The following ELFN2 variants were observed in gnomAD, a reference collection of about 807,000 sequenced individuals.
ELFN2 encodes extracellular leucine rich repeat and fibronectin type III domain containing 2, also known as protein phosphatase 1 regulatory subunit 29.
Under a neutral mutation model 45.5 loss-of-function variants are expected in ELFN2, and 17 were observed. The ratio of observed to expected loss-of-function variants is 0.37; its 90% CI spans 0.26 to 0.56. The LOEUF (loss-of-function observed/expected upper bound fraction) is 0.56, where lower values mean the gene tolerates loss of function less well. Among genes scored for constraint, ELFN2 ranks in the 20% least tolerant of loss-of-function variants. The probability of loss-of-function intolerance (pLI) is 0.77; values close to 1 mark genes in which losing one functional copy is unlikely to be tolerated. For synonymous variants in ELFN2, 550 were observed against 551.5 expected (o/e 1.00, Z 0.04); for missense variants, 922 against 1,183.2 (o/e 0.78, Z 3.24).
rs1323283744 is a variant in ELFN2, at chr22:37,374,987, G to A, written c.548C>T (p.Ala183Val). The A allele has an allele frequency of 6.2e-7, 1 of 1,613,278 alleles. No individual in the cohort carries two copies. The highest frequency in any genetic ancestry group is 2.2e-5 in the East Asian group (1 of 44,870). The change falls in exon 3 of 3, where the codon GCC (alanine) becomes GTC (valine). Residue 183 changes from alanine to valine, a missense_variant. Ala to Val is a moderately conservative substitution (Grantham distance 64, BLOSUM62 0). Coordinates refer to ENST00000402918, the MANE Select transcript of ELFN2 (RefSeq NM_052906.5). Reference sequence around the variant, plus strand: ...GCACTCACAGTTGAAGGGGTTGCCGGCCAGCTCACACACCATCAGGCTGGC... The same window carrying A: ...GCACTCACAGTTGAAGGGGTTGCCGACCAGCTCACACACCATCAGGCTGGC... ...SLASLMVCEL[A>V]GNPFNCECDL...
chr22:37,391,653 G>C lies in ELFN2; in HGVS notation c.-462-15657C>G, dbSNP rs1014329370. 1.5e-4 allele frequency among the ~76,000 whole-genome samples: 23 copies of C among 152,196 alleles called. 1 individual carries two copies. Among genetic ancestry groups the C allele is most frequent in the Admixed American group, 1.1e-3 (17 of 15,284 alleles). ...GATACAGCAGTCTGACCATCAAAGG[G>C]ACGGTGTCTGGGACTCCCCGAAGGC... On this transcript the variant is annotated intron_variant, in intron 2 of 2. Coordinates refer to ENST00000402918, the MANE Select transcript of ELFN2 (RefSeq NM_052906.5).
rs759051934 is a variant in ELFN2, at chr22:37,373,205, T to C, written c.2330A>G (p.Lys777Arg). 6.2e-7 allele frequency: 1 copy of C among 1,613,786 alleles called. No homozygotes were observed. Among genetic ancestry groups the C allele is most frequent in the South Asian group, 1.1e-5 (1 of 91,084 alleles). ...GTACACCTCCTCCCGGTGGTGCTTC[T>C]TGTAGGGCCGGAAGCGCTCCCAGAT... ...HKIWERFRPY[K>R]KHHREEVYMA... Residue 777 changes from lysine to arginine, a missense_variant, in exon 3 of 3, where the codon AAG becomes AGG. By Grantham distance (26) the Lys-to-Arg change is conservative. Transcript: ENST00000402918.
At chr22:37,389,009 C>T (rs911983844) in intron 2 of ELFN2, among the ~76,000 whole-genome samples, 19 of 152,182 alleles carry the variant, frequency 1.2e-4, no homozygotes, top group Non-Finnish European at 4.4e-5. Context: ...GAGAAGCATG[C>T]GGGGCTTGGG....
intron 2 of ELFN2, among the ~76,000 whole-genome samples, chr22:37,382,146 C>G (rs1330412450): frequency 6.6e-6 from 1 of 152,112 alleles, no homozygotes; most frequent in Non-Finnish European, 1.5e-5. Context: ...CAGTGATGCA[C>G]CCAAGACCAC....
intron 2 of ELFN2, among the ~76,000 whole-genome samples, chr22:37,415,672 A>C (rs1039142914): frequency 2.0e-5 from 3 of 152,230 alleles, no homozygotes; most frequent in Non-Finnish European, 4.4e-5. Flanking sequence ...TTTAAAAGTA[A>C]TGATGGTGGG....
In ELFN2 at chr22:37,374,656, C is replaced by T. The variant is rs761262814; in HGVS notation, c.879G>A (p.Ala293=). ...VEPPASSTTD[A]SAGPAIKLHH... is the part of the protein sequence containing the mutation. ...GCAGCTTGATGGCTGGCCCTGCCGA[C>T]GCATCCGTGGTGGACGAGGCCGGCG... The change falls in exon 3 of 3, where the codon GCG becomes GCA. Residue 293 remains alanine, a synonymous_variant. Coordinates refer to ENST00000402918, the MANE Select transcript of ELFN2 (RefSeq NM_052906.5). 7.4e-6 allele frequency: 12 copies of T among 1,613,262 alleles called. No individual in the cohort carries two copies. The highest frequency in any genetic ancestry group is 3.3e-5 in the Admixed American group (2 of 60,012).
Position 37,375,911 on chromosome 22 carries a change from T to G in ELFN2, c.-377A>C. 2 of 315,768 alleles carry G rather than the reference T, an allele frequency of 6.3e-6. No individual in the cohort carries two copies. The highest frequency in any genetic ancestry group is 6.2e-6 in the Non-Finnish European group (1 of 160,718). 19.6% of individuals were successfully genotyped at this position (315,768 alleles called of 1,614,324 possible). A position where few individuals can be genotyped will look rare whatever the true frequency, so the allele number is the denominator to read the frequency against. ...TTCCGGGCTCAGAACTTCAGATGAT[T>G]CCCACAGGAGGCTGGAGAGTGCCGC... is the stretch of plus-strand genomic sequence containing the variant. On this transcript the variant is annotated 5_prime_UTR_variant, in exon 3 of 3. Coordinates refer to ENST00000402918, the MANE Select transcript of ELFN2 (RefSeq NM_052906.5).
intron 1 of ELFN2, among the ~76,000 whole-genome samples, chr22:37,426,650 A>AACAC (rs3041620): frequency 6.2e-5 from 9 of 144,094 alleles, no homozygotes; most frequent in East Asian, 4.2e-4. Context: ...CACACACACA[A>AACAC]ACACACACAC....
chr22:37,412,433 T>G (rs1932671344), intron 2 of ELFN2, among the ~76,000 whole-genome samples: 1 of 151,990 alleles, frequency 6.6e-6, no homozygotes, highest in Admixed American at 6.6e-5. Flanking sequence ...TCCCAAAGAC[T>G]AAGAGGTCCC....
intron 2 of ELFN2, chr22:37,384,787 T>C: frequency 7.0e-6 from 1 of 142,350 alleles, no homozygotes; most frequent in Non-Finnish European, 1.5e-5. Context: ...TCTCCCGACC[T>C]GACCTTCGCC....
intron 2 of ELFN2, among the ~76,000 whole-genome samples, chr22:37,416,132 TA>T (rs1932757526): frequency 6.6e-6 from 1 of 152,150 alleles, no homozygotes. Flanking sequence ...TCCTCCACCG[TA>T]AAAACCAGAG....
intron 2 of ELFN2, among the ~76,000 whole-genome samples, chr22:37,403,572 G>A (rs535208998): frequency 4.8e-4 from 73 of 152,304 alleles, no homozygotes; most frequent in African/African-American, 1.6e-3. Context: ...GGAGAGAAGC[G>A]AGAGGGCCTG....
Position 37,373,755 on chromosome 22 carries a change from C to G in ELFN2, c.1780G>C (p.Gly594Arg), listed in dbSNP as rs554867479. The G allele has an allele frequency of 3.2e-6, 5 of 1,578,128 alleles. No homozygotes were observed. Among genetic ancestry groups the G allele is most frequent in the South Asian group, 1.2e-5 (1 of 85,298 alleles). The change falls in exon 3 of 3, where the codon GGG (glycine) becomes CGG (arginine). Residue 594 changes from glycine (G) to arginine (R), a missense_variant. Coordinates refer to ENST00000402918, the MANE Select transcript of ELFN2 (RefSeq NM_052906.5). ...AAAASSATGP[G>R]ALERPSFLSP... ...AGGAAGCTGGGCCGCTCCAGGGCCC[C>G]GGGGCCAGTGGCTGAGGAGGCGGCA...
At chr22:37,422,943 CGGGG>C (rs67054331) in intron 1 of ELFN2, among the ~76,000 whole-genome samples, 7,501 of 29,288 alleles carry the variant, frequency 0.26, 753 homozygotes, top group African/African-American at 0.39. Context: ...AACTGGGCCT[CGGGG>C]GGGGGGGGGG....
At chr22:37,379,003 C>T (rs1246798608) in intron 2 of ELFN2, among the ~76,000 whole-genome samples, 1 of 152,224 alleles carries the variant, frequency 6.6e-6, no homozygotes, top group African/African-American at 2.4e-5. Flanking sequence ...CCCACACACA[C>T]AGCAGGGGGG....
rs568007663 is a variant in ELFN2 at position 37,354,273 on chromosome 22, G to A, written n.149-11570C>T. ...AAGGGCCTCATGGAGCAGTGGCCATGTTCTTCATCTTCATCAGGAGGCCAT... is the reference window on the plus strand; with the variant it reads ...AAGGGCCTCATGGAGCAGTGGCCATATTCTTCATCTTCATCAGGAGGCCAT... On this transcript the variant is annotated intron_variant and non_coding_transcript_variant, in intron 1 of 2. Coordinates refer to ENST00000452946, the Ensembl canonical transcript of ELFN2. 2.5e-4 allele frequency: 38 copies of A among 152,184 alleles called. 1 individual carries two copies. Among genetic ancestry groups the A allele is most frequent in the Admixed American group, 2.5e-3 (38 of 15,286 alleles). The allele number at this position is 152,184 out of a possible 1,614,324, so 9.4% of individuals were successfully genotyped here.
intron 1 of ELFN2, among the ~76,000 whole-genome samples, chr22:37,352,020 A>T (rs1930833159): frequency 6.6e-6 from 1 of 150,496 alleles, no homozygotes; most frequent in Non-Finnish European, 1.5e-5. Flanking sequence ...CATTCAGGTA[A>T]CCTACGTCCT....
At chr22:37,350,649 T>G (rs1930800835) in intron 1 of ELFN2, among the ~76,000 whole-genome samples, 1 of 150,268 alleles carries the variant, frequency 6.7e-6, no homozygotes, top group Non-Finnish European at 1.5e-5. Flanking sequence ...CCCCCAGTAC[T>G]GTCATTAGCG....
rs534964234 is a variant in ELFN2 at position 37,344,896 on chromosome 22, G to C, written n.149-2193C>G. Among the ~76,000 whole-genome samples the C allele has an allele frequency of 4.6e-5, 7 of 152,264 alleles. No individual in the cohort carries two copies. In the South Asian group the frequency reaches 6.2e-4, roughly 14 times the overall value. ...CCCCCAATGGGCATCATCATCCCAT[G>C]CCGCCTCCATGCCCAGAGCACAATC... On this transcript the variant is annotated intron_variant and non_coding_transcript_variant, in intron 1 of 2. Coordinates refer to ENST00000452946, the Ensembl canonical transcript of ELFN2.
Sources: allele counts gnomAD v4.1 joint callset (sites outside exome capture counted in the v4.1 genomes callset), GRCh38; gene constraint gnomAD v4.1.1; transcripts MANE v1.5; gene names NCBI Gene and HGNC (gene_info 2026-07-23, HGNC 2026-07-21).